CEP63: variants seen among roughly 807,000 people sequenced by gnomAD.
CEP63 encodes centrosomal protein of 63 kDa.
A neutral mutation model predicts 89.1 loss-of-function variants in CEP63; 84 were observed. That is an observed-to-expected ratio of 0.94 (90% confidence interval 0.79 to 1.13). CEP63 has a LOEUF of 1.13. Among genes scored for constraint, CEP63 ranks in the 50% most tolerant of loss-of-function variants. CEP63 has a pLI of 0.00. For missense variants in CEP63, 838 were observed against 813.3 expected, an observed-to-expected ratio of 1.03 and a Z score of -0.37; for synonymous variants, 267 against 272.5, an observed-to-expected ratio of 0.98 and a Z score of 0.20.
the CEP63 span, among the ~76,000 whole-genome samples, chr3:134,652,288 T>G: frequency 6.6e-6 from 1 of 151,674 alleles, no homozygotes; most frequent in African/African-American, 2.4e-5. Flanking sequence ...ATTTTAAGGG[T>G]GAGGAAAGGG....
At chr3:134,745,456 T>C in the CEP63 span, among the ~76,000 whole-genome samples, 23,036 of 152,218 alleles carry the variant, frequency 0.15, 1,848 homozygotes, top group Middle Eastern at 0.21. Context: ...GAGTATCCAT[T>C]ATGGGAAAGA....
At chr3:134,552,810 A>G (rs960250020) in intron 12 of CEP63, 1 of 152,124 alleles carries the variant, frequency 6.6e-6, no homozygotes, top group African/African-American at 2.4e-5. Flanking sequence ...TAGGTGCTAT[A>G]ATGAACACAG....
chr3:134,712,033 C>T, the CEP63 span, among the ~76,000 whole-genome samples: 8 of 152,260 alleles, frequency 5.3e-5, no homozygotes, highest in African/African-American at 1.4e-4. Context: ...GGATTACAGG[C>T]GTGAGCCACC....
rs1577467274 is a variant in CEP63, at chr3:134,563,363, C to T, written c.*1828C>T. 6.6e-6 allele frequency: 1 copy of T among 152,182 alleles called. No individual in the cohort carries two copies. Among genetic ancestry groups the T allele is most frequent in the East Asian group, 1.9e-4 (1 of 5,202 alleles). 9.4% of individuals were successfully genotyped at this position (152,182 alleles called of 1,614,324 possible). ...TAATTCAGGGAGCTTCTGGAGTTATCCTTTAGAAATGTAAATGAAACAGTG... is the reference window on the plus strand; with the variant it reads ...TAATTCAGGGAGCTTCTGGAGTTATTCTTTAGAAATGTAAATGAAACAGTG... On this transcript the variant is annotated 3_prime_UTR_variant, in exon 15 of 15. Transcript: ENST00000675561.
the CEP63 span, among the ~76,000 whole-genome samples, chr3:134,685,112 G>T: frequency 1.3e-5 from 2 of 152,058 alleles, no homozygotes; most frequent in East Asian, 1.9e-4. Flanking sequence ...TGAATTTATG[G>T]TTTAAACAGA....
chr3:134,521,456 G>T (rs1947438171), intron 3 of CEP63, among the ~76,000 whole-genome samples: 3 of 152,010 alleles, frequency 2.0e-5, no homozygotes, highest in Non-Finnish European at 4.4e-5. Context: ...TCCCCCGTTG[G>T]GCCTGGAAGT....
At chr3:134,619,750 GC>G in the CEP63 span, among the ~76,000 whole-genome samples, 2 of 152,234 alleles carry the variant, frequency 1.3e-5, no homozygotes, top group Non-Finnish European at 2.9e-5. Flanking sequence ...CTGTGGTGAG[GC>G]CCTAAGGCAG....
At chr3:134,767,193 A>T in the CEP63 span, among the ~76,000 whole-genome samples, 1 of 152,188 alleles carries the variant, frequency 6.6e-6, no homozygotes, top group Non-Finnish European at 1.5e-5. Flanking sequence ...AAACCAATGC[A>T]TTAAGAAATG....
downstream of CEP63, among the ~76,000 whole-genome samples, chr3:134,576,855 A>G (rs1958224939): frequency 2.2e-5 from 3 of 134,738 alleles, no homozygotes; most frequent in Admixed American, 7.2e-5. Context: ...GGGAGGAACT[A>G]AAACTTGGCT....
chr3:134,551,252 TTTC>T (rs1954759473), intron 11 of CEP63, among the ~76,000 whole-genome samples: 1 of 152,200 alleles, frequency 6.6e-6, no homozygotes, highest in South Asian at 2.1e-4. Flanking sequence ...GTGGCTGTCC[TTTC>T]TTCATGGTGA....
chr3:134,607,010 T>C, the CEP63 span: 1 of 984,942 alleles, frequency 1.0e-6, no homozygotes, highest in Non-Finnish European at 1.2e-6. Flanking sequence ...ATCAGATATA[T>C]GGAATCATAT....
At chr3:134,722,118 GA>G in the CEP63 span, among the ~76,000 whole-genome samples, 1 of 152,074 alleles carries the variant, frequency 6.6e-6, no homozygotes, top group Non-Finnish European at 1.5e-5. Context: ...TTCTTTTTGG[GA>G]AGTGTTAATA....
chr3:134,627,461 T>A, the CEP63 span, among the ~76,000 whole-genome samples: 2 of 152,226 alleles, frequency 1.3e-5, no homozygotes, highest in Admixed American at 6.5e-5. Context: ...CATTTAAAGT[T>A]AACATAATCC....
At chr3:134,616,740 C>T in the CEP63 span, among the ~76,000 whole-genome samples, 1 of 152,162 alleles carries the variant, frequency 6.6e-6, no homozygotes, top group Non-Finnish European at 1.5e-5. Context: ...TCACTCAAGG[C>T]AAGTGTCAAT....
At chr3:134,722,468 G>A in the CEP63 span, among the ~76,000 whole-genome samples, 5 of 151,892 alleles carry the variant, frequency 3.3e-5, no homozygotes, top group Admixed American at 2.6e-4. Flanking sequence ...TCTTACTAAA[G>A]GTTTGTCAAT....
In CEP63 at chr3:134,561,378, G is replaced by A; in HGVS notation, c.1955G>A (p.Cys652Tyr). 1.2e-6 allele frequency: 2 copies of A among 1,613,570 alleles called. No individual in the cohort carries two copies. The highest frequency in any genetic ancestry group is 1.7e-6 in the Non-Finnish European group (2 of 1,179,588). Residue 652 changes from cysteine (C) to tyrosine (Y), a missense_variant and splice_region_variant, in exon 15 of 15, where the codon TGT (cysteine) becomes TAT (tyrosine). Physicochemically the swap from Cys to Tyr is radical, Grantham distance 194. Transcript: ENST00000675561. ...TGTCAAAATTTGTGTCTCTTCCAGT[G>A]TTCCTTGCCTGTATCTCCCCTTGGT... ...MNDQEEFISS[C>Y]SLPVSPLGSI...
the CEP63 span, among the ~76,000 whole-genome samples, chr3:134,735,751 C>A: frequency 3.3e-5 from 5 of 152,064 alleles, no homozygotes; most frequent in South Asian, 1.0e-3. Context: ...TGACAATTGA[C>A]TGTAATTGAA....
the CEP63 span, among the ~76,000 whole-genome samples, chr3:134,644,129 C>G: frequency 6.6e-6 from 1 of 152,190 alleles, no homozygotes; most frequent in East Asian, 1.9e-4. Context: ...CCGGCCGAGC[C>G]TCCTGCTTCT....
the CEP63 span, among the ~76,000 whole-genome samples, chr3:134,735,416 T>C: frequency 6.6e-6 from 1 of 152,154 alleles, no homozygotes; most frequent in Non-Finnish European, 1.5e-5. Context: ...TTCTTGCACT[T>C]AGGAACACTA....
Sources: allele counts gnomAD v4.1 joint callset (sites outside exome capture counted in the v4.1 genomes callset), GRCh38; gene constraint gnomAD v4.1.1; transcripts MANE v1.5; gene names NCBI Gene and HGNC (gene_info 2026-07-23, HGNC 2026-07-21).